The following SNIP1 variants were observed in gnomAD, a reference collection of about 807,000 sequenced individuals.
The protein encoded by SNIP1 is Smad nuclear interacting protein 1.
A neutral mutation model predicts 37.4 loss-of-function variants in SNIP1; 23 were observed. The ratio of observed to expected loss-of-function variants is 0.61; its 90% CI spans 0.44 to 0.87. The LOEUF is 0.87. Among genes scored for constraint, SNIP1 ranks in the 40% least tolerant of loss-of-function variants. The pLI is 0.00. For missense variants in SNIP1, 459 were observed against 540.4 expected (o/e 0.85, Z 1.49); for synonymous variants, 174 against 200.0 (o/e 0.87, Z 1.10).
Position 37,535,252 on chromosome 1 carries a change from C to T in SNIP1, c.*2496G>A, listed in dbSNP as rs1483423278. The T allele has an allele frequency of 9.5e-5, 3 of 31,744 alleles. No homozygotes were observed. Among genetic ancestry groups the T allele is most frequent in the Non-Finnish European group, 2.0e-4 (3 of 15,218 alleles). The allele number at this position is 31,744 out of a possible 1,614,324, so 2.0% of individuals were successfully genotyped here. ...AAATTATATATATAAATTAGCCAGG[C>T]TTGGTGACAGGTGCCTGTAGTCCCA... On this transcript the variant is annotated 3_prime_UTR_variant, in exon 4 of 4. Transcript: ENST00000296215.
chr1:37,550,693 G>A (rs1643289871), intron 2 of SNIP1, among the ~76,000 whole-genome samples: 1 of 151,052 alleles, frequency 6.6e-6, no homozygotes, highest in African/African-American at 2.4e-5. Context: ...GGCAACAAGA[G>A]TGAAACTCCG....
Position 37,554,172 on chromosome 1 carries a change from C to T in SNIP1, c.58G>A (p.Asp20Asn). Residue 20 changes from aspartate (D) to asparagine (N), a missense_variant, in exon 1 of 4, where the codon GAC (aspartate) becomes AAC (asparagine). Coordinates refer to ENST00000296215, the MANE Select transcript of SNIP1 (RefSeq NM_024700.4). ...RGSRRRHRDG[D>N]VVLPAGVVVK... ...ACCACCCCCGCCGGCAGCACCACGTCCCCGTCCCGGTGTCTTCGCCGGCTC... is the reference window on the plus strand; with the variant it reads ...ACCACCCCCGCCGGCAGCACCACGTTCCCGTCCCGGTGTCTTCGCCGGCTC... 6.2e-7 allele frequency: 1 copy of T among 1,612,784 alleles called. No homozygotes were observed. The highest frequency in any genetic ancestry group is 8.5e-7 in the Non-Finnish European group (1 of 1,179,278).
At chr1:37,553,947 T>C in intron 1 of SNIP1, 59 bp downstream of exon 1, 1 of 1,525,736 alleles carries the variant, frequency 6.6e-7, no homozygotes, top group Non-Finnish European at 8.9e-7. Flanking sequence ...ACGCTAGCCC[T>C]GCCCGCCTTT....
intron 2 of SNIP1, among the ~76,000 whole-genome samples, chr1:37,543,910 G>C (rs545539256): frequency 1.1e-3 from 166 of 151,532 alleles, no homozygotes; most frequent in African/African-American, 3.6e-3. Context: ...GGAGGGCAAG[G>C]GGGGGGGCAG....
chr1:37,537,810 A>G lies in SNIP1; in HGVS notation c.1129T>C (p.Ser377Pro). Reference protein sequence around the residue: ...YVLLHESSDTSEIDRKDDEDE... With the variant: ...YVLLHESSDTPEIDRKDDEDE... ...TCGTCATCTTTCCTGTCTATTTCAG[A>G]AGTGTCCGACGACTCATGGAGCAAG... The change falls in exon 4 of 4, where the codon TCT becomes CCT. Residue 377 changes from serine to proline, a missense_variant. Coordinates refer to ENST00000296215, the MANE Select transcript of SNIP1 (RefSeq NM_024700.4). 2 of 1,614,204 alleles carry G rather than the reference A, an allele frequency of 1.2e-6. No homozygotes were observed. The highest frequency in any genetic ancestry group is 1.7e-6 in the Non-Finnish European group (2 of 1,180,026).
At chr1:37,548,152 CAAAAAAAAAAAAA>C (rs35503081) in intron 2 of SNIP1, among the ~76,000 whole-genome samples, 3 of 65,348 alleles carry the variant, frequency 4.6e-5, no homozygotes, top group Non-Finnish European at 2.6e-5. Context: ...GACTCCATAT[CAAAAAAAAAAAAA>C]AAAAAAAAAA....
At chr1:37,552,941 T>C (rs1400147241) in intron 1 of SNIP1, among the ~76,000 whole-genome samples, 194 bp from the exon 2 acceptor site, 1 of 152,208 alleles carries the variant, frequency 6.6e-6, no homozygotes, top group Non-Finnish European at 1.5e-5. Flanking sequence ...CATAGACAAC[T>C]GTCTACTGAA....
Position 37,540,018 on chromosome 1 carries a change from C to A in SNIP1, c.926+139G>T. On this transcript the variant is annotated intron_variant, in intron 3 of 3. Coordinates refer to ENST00000296215, the MANE Select transcript of SNIP1 (RefSeq NM_024700.4). The surrounding 1 kb of genome is among the most constrained non-coding windows in gnomAD (Gnocchi z 5.6). ...AATATGTAAGCAATTATTTAAAGGGCAGTTAGATTAACAATACTCTTTAGA... is the reference window on the plus strand; with the variant it reads ...AATATGTAAGCAATTATTTAAAGGGAAGTTAGATTAACAATACTCTTTAGA... The A allele has an allele frequency of 1.5e-6, 1 of 652,542 alleles. No individual in the cohort carries two copies. The highest frequency in any genetic ancestry group is 2.7e-5 in the Admixed American group (1 of 37,344). 40.4% of individuals were successfully genotyped at this position (652,542 alleles called of 1,614,324 possible).
rs117537902 is a variant in SNIP1 at position 37,544,470 on chromosome 1, G to C, written c.328-3715C>G. Reference sequence around the variant, plus strand: ...TCAAAAAAAAAAAAAAAAAAAGAAAGAAAGAAACAAGTCTTATAGATGTAG... The same window carrying C: ...TCAAAAAAAAAAAAAAAAAAAGAAACAAAGAAACAAGTCTTATAGATGTAG... On this transcript the variant is annotated intron_variant, in intron 2 of 3. Coordinates refer to ENST00000296215, the MANE Select transcript of SNIP1 (RefSeq NM_024700.4). Among the ~76,000 whole-genome samples, 1,159 of 142,782 alleles carry C rather than the reference G, an allele frequency of 8.1e-3. 7 individuals are homozygous for C. Among genetic ancestry groups the C allele is most frequent in the East Asian group, 0.041 (194 of 4,784 alleles). The allele number at this position is 142,782 out of a possible 152,430, so 93.7% of individuals were successfully genotyped here. A position where few individuals can be genotyped will look rare whatever the true frequency, so the allele number is the denominator to read the frequency against.
At chr1:37,552,325 T>C (rs377540974) in intron 2 of SNIP1, among the ~76,000 whole-genome samples, 4 of 152,346 alleles carry the variant, frequency 2.6e-5, no homozygotes, top group Middle Eastern at 3.4e-3. Flanking sequence ...AATATTCTGA[T>C]GATGATATTG....
intron 2 of SNIP1, among the ~76,000 whole-genome samples, chr1:37,544,446 C>CA (rs11374263): frequency 0.42 from 39,022 of 94,002 alleles, 7,360 homozygotes; most frequent in East Asian, 0.59. Context: ...GACTCTGTCT[C>CA]AAAAAAAAAA....
chr1:37,539,297 T>G (rs1643139063), intron 3 of SNIP1, among the ~76,000 whole-genome samples: 1 of 152,216 alleles, frequency 6.6e-6, no homozygotes, highest in South Asian at 2.1e-4. Context: ...GGGACCACTG[T>G]ACTATAGTGA....
intron 2 of SNIP1, chr1:37,544,986 G>C: frequency 1.3e-6 from 1 of 771,244 alleles, no homozygotes. Context: ...TGAGGTGGCT[G>C]AATCTTCTTC....
Position 37,552,674 on chromosome 1 carries a change from G to T in SNIP1, c.298C>A (p.Pro100Thr), listed in dbSNP as rs1194170783. 1 of 1,614,166 alleles carries T rather than the reference G, an allele frequency of 6.2e-7. No individual in the cohort carries two copies. The highest frequency in any genetic ancestry group is 1.1e-5 in the South Asian group (1 of 91,086). ...KSPRSKRNRS[P>T]HHSTVKVKQE... The stretch of plus-strand genomic sequence containing the variant: ...TTCACTTTGACTGTTGAGTGGTGAG[G>T]ACTTCGGTTTCTCTTACTGCGAGGA... The change falls in exon 2 of 4, where the codon CCT becomes ACT. Residue 100 changes from proline to threonine, a missense_variant. By Grantham distance (38) the Pro-to-Thr change is conservative. Transcript: ENST00000296215.
chr1:37,540,687 G>A lies in SNIP1; in HGVS notation c.396C>T (p.His132=). 1 of 1,613,966 alleles carries A rather than the reference G, an allele frequency of 6.2e-7. No individual in the cohort carries two copies. Among genetic ancestry groups the A allele is most frequent in the East Asian group, 2.2e-5 (1 of 44,880 alleles). Reference sequence around the variant, plus strand: ...CCCGGTCACTGTTCCTAGCTCTCCTGTGTTCCTGTTCTGATGGTTCCCTGT... The same window carrying A: ...CCCGGTCACTGTTCCTAGCTCTCCTATGTTCCTGTTCTGATGGTTCCCTGT... The part of the protein sequence containing the change: ...RQHREPSEQE[H]RRARNSDRDR... The change falls in exon 3 of 4, where the codon CAC becomes CAT. Residue 132 remains histidine, a synonymous_variant. Coordinates refer to ENST00000296215, the MANE Select transcript of SNIP1 (RefSeq NM_024700.4). This position sits in a 1 kb window ranked among gnomAD's most constrained non-coding sequence, Gnocchi z 5.6.
intron 2 of SNIP1, among the ~76,000 whole-genome samples, chr1:37,550,533 C>G (rs1349074731): frequency 6.7e-6 from 1 of 150,046 alleles, no homozygotes; most frequent in Non-Finnish European, 1.5e-5. Flanking sequence ...ATGACGAAAC[C>G]CCATCTCTAC....
At chr1:37,547,249 G>A (rs1255637231) in intron 2 of SNIP1, among the ~76,000 whole-genome samples, 1 of 152,194 alleles carries the variant, frequency 6.6e-6, no homozygotes, top group Non-Finnish European at 1.5e-5. Context: ...AGAGATTCAT[G>A]GGAGAAGGCC....
intron 2 of SNIP1, among the ~76,000 whole-genome samples, chr1:37,545,770 T>C (rs1295796479): frequency 6.6e-6 from 1 of 151,860 alleles, no homozygotes; most frequent in Admixed American, 6.6e-5. Flanking sequence ...CCAGCCTGGG[T>C]AACATAGTGA....
rs931282717 is a variant in SNIP1 at position 37,552,461 on chromosome 1, G to A, written c.327+184C>T. The A allele has an allele frequency of 5.2e-6, 3 of 582,294 alleles. No homozygotes were observed. The African/African-American group carries it at 5.6e-5, about 11-fold the overall frequency. The allele number at this position is 582,294 out of a possible 1,614,324, so 36.1% of individuals were successfully genotyped here. ...TCTCAAAATAAAAAGTTTAATTTAA[G>A]CAAACAAGCAGAAAAAATAAATACA... On this transcript the variant is annotated intron_variant, in intron 2 of 3. Transcript: ENST00000296215.
Sources: gnomAD v4.1 joint callset for allele counts (sites outside exome capture counted in the v4.1 genomes callset) on GRCh38, gnomAD v4.1.1 for gene constraint, Gnocchi (gnomAD v3.1) non-coding constraint, MANE v1.5 for transcripts, NCBI Gene and HGNC (gene_info 2026-07-23, HGNC 2026-07-21) for gene names.